EPDR1: variants seen among roughly 807,000 people sequenced by gnomAD.
EPDR1 encodes the protein ependymin related 1.
A neutral mutation model predicts 23.7 loss-of-function variants in EPDR1; 27 were observed. The observed-to-expected ratio is 1.14, with a 90% CI of 0.84 to 1.57. EPDR1 has a LOEUF of 1.57. Ranked by LOEUF, EPDR1 falls within the 40% of genes most tolerant of loss-of-function variation. EPDR1 has a pLI of 0.00. For missense variants in EPDR1, 349 were observed against 290.4 expected (o/e 1.20, Z -1.47); for synonymous variants, 137 against 118.2 (o/e 1.16, Z -1.03).
intron 1 of EPDR1, among the ~76,000 whole-genome samples, chr7:37,937,489 T>C (rs1351958957): frequency 6.6e-6 from 1 of 152,110 alleles, no homozygotes; most frequent in African/African-American, 2.4e-5. Flanking sequence ...TAATGATCTA[T>C]AGAAAATAGA....
intron 1 of EPDR1, among the ~76,000 whole-genome samples, chr7:37,934,953 A>T (rs934044946): frequency 1.3e-5 from 2 of 151,726 alleles, no homozygotes; most frequent in Non-Finnish European, 2.9e-5. Context: ...TTTAAAAAAA[A>T]AGTTAACTAT....
chr7:37,943,367 C>T (rs1259764646), intron 1 of EPDR1, among the ~76,000 whole-genome samples: 3 of 152,196 alleles, frequency 2.0e-5, no homozygotes, highest in African/African-American at 4.8e-5. Context: ...GGGTTATTCC[C>T]GTACAGCATC....
intron 1 of EPDR1, among the ~76,000 whole-genome samples, chr7:37,938,308 G>T (rs1020929343): frequency 6.6e-6 from 1 of 152,072 alleles, no homozygotes; most frequent in Non-Finnish European, 1.5e-5. Flanking sequence ...TATTTTTAAA[G>T]ATTAGGAAAC....
chr7:37,922,477 A>G (rs147932265), intron 1 of EPDR1, among the ~76,000 whole-genome samples: 1 of 152,306 alleles, frequency 6.6e-6, no homozygotes, highest in East Asian at 1.9e-4. Context: ...AATAACAACT[A>G]ACAGTTGCAT....
chr7:37,933,183 G>A (rs757892577), intron 1 of EPDR1, among the ~76,000 whole-genome samples: 54 of 152,360 alleles, frequency 3.5e-4, no homozygotes, highest in Non-Finnish European at 6.0e-4. Flanking sequence ...GCAAGTGGCC[G>A]CGGCTCAATT....
rs534029536 is a variant in EPDR1 at position 37,921,146 on chromosome 7, C to G, written c.207C>G (p.Tyr69Ter). 8.1e-6 allele frequency: 13 copies of G among 1,596,834 alleles called. No homozygotes were observed. Among genetic ancestry groups the G allele is most frequent in the Non-Finnish European group, 1.1e-5 (13 of 1,179,070 alleles). The change falls in exon 1 of 3, where the codon TAC (tyrosine) becomes TAG (stop). Residue 69 changes from tyrosine to a stop codon, truncating the protein, a stop_gained. Transcript: ENST00000199448. LOFTEE classifies it high-confidence loss of function. ...GCAACAGCCGCGCCCTGCTCTCCTA[C>G]GACGGGCTCAACCAGCGCGTGCGGG... is the stretch of plus-strand genomic sequence containing the variant. ...SGRNSRALLSYDGLNQRVRVL... is the reference protein window; with the variant it reads ...SGRNSRALLS
intron 1 of EPDR1, among the ~76,000 whole-genome samples, chr7:37,948,370 C>A (rs188669483): frequency 2.1e-5 from 3 of 145,800 alleles, no homozygotes; most frequent in South Asian, 4.3e-4. Context: ...TGATGGTGGA[C>A]GGGATCTCAC....
intron 1 of EPDR1, among the ~76,000 whole-genome samples, chr7:37,934,376 T>A (rs1020683855): frequency 6.6e-6 from 1 of 152,026 alleles, no homozygotes; most frequent in African/African-American, 2.4e-5. Context: ...TAGCATTATA[T>A]CCTCTCCCAA....
chr7:37,926,941 T>C (rs531053510), intron 1 of EPDR1, among the ~76,000 whole-genome samples: 126 of 152,342 alleles, frequency 8.3e-4, no homozygotes, highest in Middle Eastern at 3.4e-3. Flanking sequence ...GTTGTTTACT[T>C]TGCTGTTCAT....
intron 1 of EPDR1, among the ~76,000 whole-genome samples, chr7:37,929,271 C>T (rs1785882223): frequency 6.6e-6 from 1 of 152,162 alleles, no homozygotes; most frequent in Non-Finnish European, 1.5e-5. Flanking sequence ...CCTTCATCTC[C>T]CCCACCTTCC....
chr7:37,931,494 A>G (rs556682535), intron 1 of EPDR1, among the ~76,000 whole-genome samples: 7 of 152,214 alleles, frequency 4.6e-5, no homozygotes, highest in Admixed American at 3.9e-4. Flanking sequence ...AGCCTGGGTG[A>G]TAGAGCAAGA....
chr7:37,949,482 C>T (rs903013692), intron 2 of EPDR1, among the ~76,000 whole-genome samples: 4 of 152,186 alleles, frequency 2.6e-5, no homozygotes, highest in Admixed American at 6.5e-5. Context: ...CTCTGCCCTG[C>T]TGCTGATATA....
intron 1 of EPDR1, among the ~76,000 whole-genome samples, chr7:37,936,350 A>T (rs762339884): frequency 6.6e-6 from 1 of 152,190 alleles, no homozygotes; most frequent in Non-Finnish European, 1.5e-5. Flanking sequence ...TTAACATAGC[A>T]CAACCTGTGT....
chr7:37,936,651 T>C (rs1346577576), intron 1 of EPDR1, among the ~76,000 whole-genome samples: 1 of 152,080 alleles, frequency 6.6e-6, no homozygotes, highest in Non-Finnish European at 1.5e-5. Context: ...AAATCAATAG[T>C]CTTCATATAT....
intron 1 of EPDR1, 37 bp from the exon 2 acceptor site, chr7:37,948,803 T>C (rs1212790735): frequency 1.9e-6 from 3 of 1,561,052 alleles, no homozygotes; most frequent in Middle Eastern, 1.7e-4. Context: ...GATGGTAACA[T>C]GAAGTCCCAA....
chr7:37,939,620 T>G (rs1786130310), intron 1 of EPDR1, among the ~76,000 whole-genome samples: 1 of 152,176 alleles, frequency 6.6e-6, no homozygotes, highest in Non-Finnish European at 1.5e-5. Context: ...TGTGAGTTTG[T>G]TTTGGTGAAA....
intron 1 of EPDR1, among the ~76,000 whole-genome samples, chr7:37,924,104 C>T (rs1785769462): frequency 6.6e-6 from 1 of 152,194 alleles, no homozygotes; most frequent in Admixed American, 6.5e-5. Flanking sequence ...AGTCTTATTG[C>T]TGGCATGAGG....
At chr7:37,924,928 A>AT (rs1785786027) in intron 1 of EPDR1, among the ~76,000 whole-genome samples, 1 of 152,128 alleles carries the variant, frequency 6.6e-6, no homozygotes, top group Non-Finnish European at 1.5e-5. Flanking sequence ...ACTTCTTAAG[A>AT]TTTTCATTTT....
At chr7:37,931,055 A>AT (rs140074253) in intron 1 of EPDR1, among the ~76,000 whole-genome samples, 22,229 of 150,806 alleles carry the variant, frequency 0.15, 1,755 homozygotes, top group Middle Eastern at 0.23. Context: ...AAATTATTCA[A>AT]TTTTTTTTTT....
Sources: gnomAD v4.1 joint callset for allele counts (sites outside exome capture counted in the v4.1 genomes callset) on GRCh38, gnomAD v4.1.1 for gene constraint, MANE v1.5 for transcripts, NCBI Gene and HGNC (gene_info 2026-07-23, HGNC 2026-07-21) for gene names.